KCNH7: variants seen among roughly 807,000 people sequenced by gnomAD.
The protein encoded by KCNH7 is potassium voltage-gated channel subfamily H member 7.
Under a neutral mutation model 120.8 loss-of-function variants are expected in KCNH7, and 49 were observed. The observed-to-expected ratio is 0.41, with a 90% confidence interval of 0.32 to 0.51. The LOEUF (loss-of-function observed/expected upper bound fraction) is 0.51. KCNH7 is among the 20% of genes least tolerant of loss of function. The pLI, the probability that KCNH7 is intolerant of heterozygous loss-of-function variation, is 0.38. For missense variants in KCNH7, 1,097 were observed against 1,446.6 expected, an observed-to-expected ratio of 0.76 and a Z score of 3.92; for synonymous variants, 547 against 516.1, an observed-to-expected ratio of 1.06 and a Z score of -0.81.
intron 2 of KCNH7, among the ~76,000 whole-genome samples, chr2:162,547,936 A>C (rs1692536071): frequency 1.3e-5 from 2 of 152,314 alleles, no homozygotes; most frequent in South Asian, 2.1e-4. Flanking sequence ...TAGTGGGGTA[A>C]AGATTAGGCT....
chr2:162,560,998 A>G (rs1342927052), intron 2 of KCNH7, among the ~76,000 whole-genome samples: 2 of 152,152 alleles, frequency 1.3e-5, no homozygotes, highest in Admixed American at 1.3e-4. Context: ...TTATTCTTAT[A>G]TGGAACTATA....
chr2:162,427,701 T>A (rs1687912567), intron 8 of KCNH7, among the ~76,000 whole-genome samples: 1 of 151,954 alleles, frequency 6.6e-6, no homozygotes, highest in African/African-American at 2.4e-5. Context: ...TTAATTTTGA[T>A]GAAATCCAAT....
intron 9 of KCNH7, 77 bp from the exon 10 acceptor site, chr2:162,400,518 C>G: frequency 6.9e-7 from 1 of 1,452,038 alleles, no homozygotes; most frequent in East Asian, 2.3e-5. Flanking sequence ...ATTTCTTGCT[C>G]ACAGAACTGC....
intron 2 of KCNH7, among the ~76,000 whole-genome samples, chr2:162,594,205 C>T (rs1203085239): frequency 6.8e-6 from 1 of 146,148 alleles, no homozygotes; most frequent in African/African-American, 2.6e-5. Flanking sequence ...TAGTTTACCT[C>T]ACAGACATGC....
At chr2:162,394,506 G>C in intron 11 of KCNH7, 21 bp from the exon 12 acceptor site, 1 of 1,371,348 alleles carries the variant, frequency 7.3e-7, no homozygotes, top group Non-Finnish European at 1.0e-6. Context: ...GGAACATGAA[G>C]ATAAAATGAA....
At chr2:162,660,510 T>C (rs1298249050) in intron 2 of KCNH7, among the ~76,000 whole-genome samples, 2 of 152,326 alleles carry the variant, frequency 1.3e-5, no homozygotes, top group East Asian at 3.9e-4. Context: ...TGTGAAGGTA[T>C]GCTTAATGGC....
chr2:162,693,865 CCTCTAT>C (rs1256760153), intron 2 of KCNH7, among the ~76,000 whole-genome samples: 4 of 151,360 alleles, frequency 2.6e-5, no homozygotes, highest in African/African-American at 9.7e-5. Flanking sequence ...GGAAGACTGG[CCTCTAT>C]CTCAGAGGAG....
At chr2:162,713,623 T>C (rs576074813) in intron 2 of KCNH7, among the ~76,000 whole-genome samples, 4 of 152,186 alleles carry the variant, frequency 2.6e-5, no homozygotes, top group Non-Finnish European at 4.4e-5. Context: ...AATTCTGACA[T>C]GTTTATTTCG....
chr2:162,576,466 C>T (rs1422214919), intron 2 of KCNH7, among the ~76,000 whole-genome samples: 1 of 152,020 alleles, frequency 6.6e-6, no homozygotes. Context: ...GGACCTATTC[C>T]TTAATGGAAT....
intron 15 of KCNH7, among the ~76,000 whole-genome samples, chr2:162,373,195 ATTCT>A (rs1234454051): frequency 2.2e-4 from 33 of 152,262 alleles, no homozygotes; most frequent in African/African-American, 7.7e-4. Context: ...AAGCAGGTTG[ATTCT>A]GGAAGAAAGG....
intron 1 of KCNH7, among the ~76,000 whole-genome samples, chr2:162,838,160 A>G (rs1685727321): frequency 6.6e-6 from 1 of 152,204 alleles, no homozygotes; most frequent in African/African-American, 2.4e-5. Context: ...CGTTCCCTTT[A>G]AGATAGTAGA....
In KCNH7 at chr2:162,588,510, C is replaced by T. The variant is rs182195785; in HGVS notation, c.308-51430G>A. The stretch of plus-strand genomic sequence containing the variant: ...GAGATGTGTGTAATCAATTTATGAA[C>T]CTCTTGTTGAAATCAAATTTGTCCC... On this transcript the variant is annotated intron_variant, in intron 2 of 15. Transcript: ENST00000332142. Among the ~76,000 whole-genome samples the T allele has an allele frequency of 2.0e-3, 304 of 152,042 alleles. 2 individuals are homozygous for T. Among genetic ancestry groups the T allele is most frequent in the African/African-American group, 6.9e-3 (288 of 41,484 alleles).
intron 2 of KCNH7, among the ~76,000 whole-genome samples, chr2:162,735,577 G>T (rs1687876363): frequency 6.6e-6 from 1 of 152,030 alleles, no homozygotes. Context: ...CTTCTACCTT[G>T]TCCTGAAACC....
intron 6 of KCNH7, among the ~76,000 whole-genome samples, chr2:162,468,867 T>C (rs1224614834): frequency 6.6e-6 from 1 of 151,238 alleles, no homozygotes; most frequent in African/African-American, 2.4e-5. Context: ...TTTTTTTTTT[T>C]AAAGAAAGGA....
intron 2 of KCNH7, among the ~76,000 whole-genome samples, chr2:162,572,814 G>A (rs560499007): frequency 2.0e-5 from 3 of 149,966 alleles, no homozygotes; most frequent in South Asian, 2.1e-4. Flanking sequence ...ACCAAACACC[G>A]CATATTCTCA....
intron 2 of KCNH7, among the ~76,000 whole-genome samples, chr2:162,693,350 A>C (rs907215683): frequency 6.6e-6 from 1 of 152,224 alleles, no homozygotes. Flanking sequence ...ATGGAAAGAA[A>C]TGAGCTAAAT....
At chr2:162,811,183 G>A (rs1171116327) in intron 2 of KCNH7, among the ~76,000 whole-genome samples, 2 of 151,962 alleles carry the variant, frequency 1.3e-5, no homozygotes, top group Non-Finnish European at 1.5e-5. Flanking sequence ...GGAACCCGAA[G>A]GCGTGCATAC....
At chr2:162,760,312 G>A (rs1688926079) in intron 2 of KCNH7, among the ~76,000 whole-genome samples, 1 of 152,012 alleles carries the variant, frequency 6.6e-6, no homozygotes, top group Non-Finnish European at 1.5e-5. Flanking sequence ...GAAATTAGTT[G>A]TCACAAACCA....
At chr2:162,627,472 T>C (rs1020843979) in intron 2 of KCNH7, among the ~76,000 whole-genome samples, 81 of 152,280 alleles carry the variant, frequency 5.3e-4, no homozygotes, top group African/African-American at 1.9e-3. Context: ...ACATTAGAGG[T>C]AACTGAAAAT....
Sources: gnomAD v4.1 joint callset for allele counts (sites outside exome capture counted in the v4.1 genomes callset) on GRCh38, gnomAD v4.1.1 for gene constraint, MANE v1.5 for transcripts, NCBI Gene and HGNC (gene_info 2026-07-23, HGNC 2026-07-21) for gene names.